The following RPRD1A variants were observed in gnomAD, a reference collection of about 807,000 sequenced individuals.
RPRD1A encodes the protein regulation of nuclear pre-mRNA domain containing 1A, also known as regulation of nuclear pre-mRNA domain-containing protein 1A.
In RPRD1A, 9 loss-of-function variants were observed where a neutral mutation model predicts 37.8. The ratio of observed to expected loss-of-function variants is 0.24; its 90% CI spans 0.14 to 0.42. The LOEUF is 0.42. Ranked by LOEUF, RPRD1A falls within the 10% of genes least tolerant of loss-of-function variation. The probability of loss-of-function intolerance (pLI) is 1.00; values close to 1 mark genes in which losing one functional copy is unlikely to be tolerated. For synonymous variants in RPRD1A, 138 were observed against 139.7 expected (o/e 0.99, Z 0.08); for missense variants, 255 against 371.0 (o/e 0.69, Z 2.57).
In RPRD1A at chr18:36,030,843, A is replaced by C; in HGVS notation, c.451T>G (p.Cys151Gly). Reference sequence around the variant, plus strand: ...TCACTTGGAGATCCCAGAGAGGAACAGTTTTCATTTTCATCCACCTTTATC... The same window carrying C: ...TCACTTGGAGATCCCAGAGAGGAACCGTTTTCATTTTCATCCACCTTTATC... ...EQIKVDENEN[C>G]SSLGSPSEPP... is the part of the protein sequence containing the mutation. The change falls in exon 4 of 7, where the codon TGT (cysteine) becomes GGT (glycine). Residue 151 changes from cysteine to glycine, a missense_variant. By Grantham distance (159) the Cys-to-Gly change is radical (BLOSUM62 -3). This residue lies in a region of RPRD1A where 211 missense variants were observed against 268.9 expected (regional missense o/e 0.78). Coordinates refer to ENST00000399022, the MANE Select transcript of RPRD1A (RefSeq NM_018170.5). The C allele has an allele frequency of 6.2e-7, 1 of 1,613,428 alleles. No individual in the cohort carries two copies. Among genetic ancestry groups the C allele is most frequent in the East Asian group, 2.2e-5 (1 of 44,810 alleles).
At chr18:36,034,025 G>A (rs1197749323) in intron 1 of RPRD1A, among the ~76,000 whole-genome samples, 188 bp from the exon 2 acceptor site, 1 of 151,680 alleles carries the variant, frequency 6.6e-6, no homozygotes, top group Non-Finnish European at 1.5e-5. Context: ...CAGAACTAAT[G>A]TCTATGTAAA....
intron 1 of RPRD1A, among the ~76,000 whole-genome samples, chr18:36,062,542 T>TGATGAATGGCTAAATTCAACTGATGA (rs1241350612): frequency 9.9e-5 from 15 of 152,076 alleles, no homozygotes; most frequent in African/African-American, 3.6e-4. Flanking sequence ...CTCGAACGTC[T>TGATGAATGGCTAAATTCAACTGATGA]ATCAACTGAT....
rs995384087 is a variant in RPRD1A, at chr18:35,992,318, CT to C, written c.*832del. The stretch of plus-strand genomic sequence containing the variant: ...ACGTGTCTTTTAATCCCATAGACGG[CT>C]TTTTGTTAAAGGGATTAATTATGTT... On this transcript the variant is annotated 3_prime_UTR_variant, in exon 7 of 7. Transcript: ENST00000399022. 1.3e-5 allele frequency: 2 copies of C among 152,236 alleles called. No individual in the cohort carries two copies. Among genetic ancestry groups the C allele is most frequent in the African/African-American group, 2.4e-5 (1 of 41,426 alleles). 9.4% of individuals were successfully genotyped at this position (152,236 alleles called of 1,614,324 possible). A position where few individuals can be genotyped will look rare whatever the true frequency, so the allele number is the denominator to read the frequency against.
intron 1 of RPRD1A, among the ~76,000 whole-genome samples, chr18:36,057,092 T>C (rs1273520761): frequency 7.2e-6 from 1 of 138,788 alleles, no homozygotes; most frequent in East Asian, 2.2e-4. Flanking sequence ...CAGCCAGTCA[T>C]GGTAGCATGC....
chr18:36,067,084 A>G (rs2089045745), intron 1 of RPRD1A, among the ~76,000 whole-genome samples, 170 bp downstream of exon 1: 1 of 152,226 alleles, frequency 6.6e-6, no homozygotes, highest in Non-Finnish European at 1.5e-5. Flanking sequence ...TAAATATCTA[A>G]GCCCAGACTT....
At chr18:36,024,609 C>T (rs954787123) in intron 6 of RPRD1A, among the ~76,000 whole-genome samples, 4 of 152,130 alleles carry the variant, frequency 2.6e-5, no homozygotes, top group Admixed American at 2.6e-4. Context: ...ATGGCCAATT[C>T]CCGAACTGAT....
At chr18:36,052,497 C>T (rs888676695) in intron 1 of RPRD1A, among the ~76,000 whole-genome samples, 13 of 151,928 alleles carry the variant, frequency 8.6e-5, no homozygotes, top group Admixed American at 2.6e-4. Flanking sequence ...TCAAATGGCA[C>T]ACAACATATA....
chr18:35,990,997 TA>T lies in RPRD1A; in HGVS notation c.*2153del, dbSNP rs929703030. 2 of 152,076 alleles carry T rather than the reference TA, an allele frequency of 1.3e-5. No individual in the cohort carries two copies. The highest frequency in any genetic ancestry group is 4.8e-5 in the African/African-American group (2 of 41,408). The allele number at this position is 152,076 out of a possible 1,614,324, so 9.4% of individuals were successfully genotyped here. A position where few individuals can be genotyped will look rare whatever the true frequency, so the allele number is the denominator to read the frequency against. ...TTATCACAAATCTCATCAAGCTCTT[TA>T]AAAAAATAATGCATTTTTATCATAA... On this transcript the variant is annotated 3_prime_UTR_variant, in exon 7 of 7. Transcript: ENST00000399022.
chr18:36,011,824 G>GTT (rs1415840585), intron 6 of RPRD1A, among the ~76,000 whole-genome samples: 1 of 152,184 alleles, frequency 6.6e-6, no homozygotes, highest in African/African-American at 2.4e-5. Flanking sequence ...TAAAGATTTT[G>GTT]TAAGAGTCCA....
intron 1 of RPRD1A, among the ~76,000 whole-genome samples, chr18:36,048,361 C>A (rs180899115): frequency 1.3e-5 from 2 of 152,012 alleles, no homozygotes; most frequent in Admixed American, 1.3e-4. Flanking sequence ...CCACCGCACC[C>A]GGCCAAATGT....
At chr18:36,055,174 T>G (rs1913673816) in intron 1 of RPRD1A, among the ~76,000 whole-genome samples, 1 of 152,238 alleles carries the variant, frequency 6.6e-6, no homozygotes, top group Admixed American at 6.5e-5. Context: ...AAAGTGAAAT[T>G]TTTTGATAGT....
chr18:36,027,035 A>C lies in RPRD1A; in HGVS notation c.654T>G (p.Asp218Glu). 6.2e-7 allele frequency: 1 copy of C among 1,614,052 alleles called. No individual in the cohort carries two copies. The highest frequency in any genetic ancestry group is 8.5e-7 in the Non-Finnish European group (1 of 1,179,920). Residue 218 changes from aspartate (D) to glutamate (E), a missense_variant, in exon 6 of 7, where the codon GAT becomes GAG. This residue lies in a region of RPRD1A where 211 missense variants were observed against 268.9 expected (regional missense o/e 0.78). Transcript: ENST00000399022. ...TGTAATCTGCCAGCAACATACACGC[A>C]TCCTCTACCATTTTGGAAAGCCTTT... ...SGERLSKMVE[D>E]ACMLLADYNG...
chr18:36,024,313 A>ATT (rs781696260), intron 6 of RPRD1A, among the ~76,000 whole-genome samples: 194 of 126,554 alleles, frequency 1.5e-3, no homozygotes, highest in African/African-American at 5.5e-3. Flanking sequence ...CACCTGGTTA[A>ATT]TTTTTTTTTT....
intron 1 of RPRD1A, among the ~76,000 whole-genome samples, chr18:36,034,665 A>ATCAT (rs1272331523): frequency 1.3e-5 from 2 of 152,214 alleles, no homozygotes; most frequent in Non-Finnish European, 2.9e-5. Flanking sequence ...ATTCAGAAGC[A>ATCAT]TCATACCTTG....
rs964623838 is a variant in RPRD1A, at chr18:36,047,033, T to C, written c.152-13196A>G. On this transcript the variant is annotated intron_variant, in intron 1 of 6. Transcript: ENST00000399022. ...AAGCAGCCACCAAGGCTGGGCAACATAGTGAGACCCCATCTCTACAAAAAT... is the reference window on the plus strand; with the variant it reads ...AAGCAGCCACCAAGGCTGGGCAACACAGTGAGACCCCATCTCTACAAAAAT... 2.6e-5 allele frequency among the ~76,000 whole-genome samples: 4 copies of C among 151,856 alleles called. 1 individual carries two copies. Among genetic ancestry groups the C allele is most frequent in the Middle Eastern group, 3.4e-3 (1 of 294 alleles).
chr18:36,050,457 T>C (rs1444064144), intron 1 of RPRD1A, among the ~76,000 whole-genome samples: 1 of 152,006 alleles, frequency 6.6e-6, no homozygotes, highest in Non-Finnish European at 1.5e-5. Flanking sequence ...TTTTGTATCA[T>C]CAAGATGTGT....
At chr18:36,005,934 G>A (rs1201682999) in intron 6 of RPRD1A, among the ~76,000 whole-genome samples, 1 of 141,274 alleles carries the variant, frequency 7.1e-6, no homozygotes, top group African/African-American at 2.6e-5. Context: ...ACATCAAAAT[G>A]TGAGGAGCTG....
chr18:36,059,300 G>A (rs1021127798), intron 1 of RPRD1A, among the ~76,000 whole-genome samples: 1 of 152,010 alleles, frequency 6.6e-6, no homozygotes, highest in Non-Finnish European at 1.5e-5. Context: ...ACCACGTCTG[G>A]CTAATTTTTA....
chr18:36,021,875 C>T (rs1911019530), intron 6 of RPRD1A, among the ~76,000 whole-genome samples: 1 of 152,136 alleles, frequency 6.6e-6, no homozygotes, highest in South Asian at 2.1e-4. Context: ...GTATCACATG[C>T]CTCTACTTCC....
Sources: gnomAD v4.1 joint callset for allele counts (sites outside exome capture counted in the v4.1 genomes callset) on GRCh38, gnomAD v4.1.1 for gene constraint, gnomAD v4.1.1 regional missense constraint, MANE v1.5 for transcripts, NCBI Gene and HGNC (gene_info 2026-07-23, HGNC 2026-07-21) for gene names.